Variants in HOMER1 observed in about 807,000 individuals in gnomAD.
HOMER1 encodes homer scaffold protein 1, also known as homer protein homolog 1.
HOMER1 carries 3 observed loss-of-function variants against 48.9 expected under a neutral mutation model. The observed-to-expected ratio is 0.06, with a 90% CI of 0.03 to 0.16. The LOEUF (loss-of-function observed/expected upper bound fraction) is 0.16, where lower values mean the gene tolerates loss of function less well. Among genes scored for constraint, HOMER1 ranks in the 10% least tolerant of loss-of-function variants. The pLI is 1.00. For synonymous variants in HOMER1, 134 were observed against 146.4 expected, an observed-to-expected ratio of 0.92 and a Z score of 0.61; for missense variants, 247 against 411.4, an observed-to-expected ratio of 0.60 and a Z score of 3.46.
intron 1 of HOMER1, among the ~76,000 whole-genome samples, chr5:79,496,891 C>A (rs139324480): frequency 6.0e-5 from 9 of 151,258 alleles, no homozygotes; most frequent in African/African-American, 2.2e-4. Flanking sequence ...ATGATGAAAC[C>A]CCATCTCTAC....
In HOMER1 at chr5:79,374,881, A is replaced by G. The variant is rs1164945863; in HGVS notation, c.*1128T>C. ...TAACAATTCAGAATATTGCCTTGTG[A>G]GGTTTGAATCAAGATGTGATTGATG... is the stretch of plus-strand genomic sequence containing the variant. On this transcript the variant is annotated 3_prime_UTR_variant, in exon 9 of 9. Transcript: ENST00000334082. The G allele has an allele frequency of 6.6e-6, 1 of 151,998 alleles. No individual in the cohort carries two copies. The highest frequency in any genetic ancestry group is 1.5e-5 in the Non-Finnish European group (1 of 67,908). The allele number at this position is 151,998 out of a possible 1,614,324, so 9.4% of individuals were successfully genotyped here.
intron 1 of HOMER1, among the ~76,000 whole-genome samples, chr5:79,472,135 T>C (rs928249657): frequency 8.5e-5 from 13 of 152,224 alleles, no homozygotes; most frequent in African/African-American, 3.1e-4. Flanking sequence ...ATCATTGCTG[T>C]ATCCTCAGCA....
At chr5:79,403,296 A>C (rs952865972) in intron 5 of HOMER1, among the ~76,000 whole-genome samples, 18 of 152,134 alleles carry the variant, frequency 1.2e-4, no homozygotes, top group African/African-American at 4.3e-4. Context: ...AATCATTTGT[A>C]TTCTAGGGTA....
At chr5:79,383,973 A>G (rs1749045341) in intron 8 of HOMER1, among the ~76,000 whole-genome samples, 1 of 152,136 alleles carries the variant, frequency 6.6e-6, no homozygotes, top group African/African-American at 2.4e-5. Context: ...GAAATACAAC[A>G]TACCAAAACC....
At chr5:79,408,444 A>G (rs938965009) in intron 5 of HOMER1, among the ~76,000 whole-genome samples, 3 of 152,208 alleles carry the variant, frequency 2.0e-5, no homozygotes, top group African/African-American at 7.2e-5. Flanking sequence ...AGAAATGTAG[A>G]TCTACACAGA....
chr5:79,497,954 G>A (rs1026124400), intron 1 of HOMER1, among the ~76,000 whole-genome samples: 26 of 152,146 alleles, frequency 1.7e-4, no homozygotes, highest in African/African-American at 5.6e-4. Context: ...CAAAAACTCT[G>A]GTGGTAAAGG....
At chr5:79,421,360 G>C (rs1223544213) in intron 5 of HOMER1, among the ~76,000 whole-genome samples, 2 of 152,310 alleles carry the variant, frequency 1.3e-5, no homozygotes, top group Middle Eastern at 3.4e-3. Flanking sequence ...TTAACTCTCA[G>C]TGGAACTGAA....
chr5:79,383,146 A>C (rs1580413050), intron 8 of HOMER1, among the ~76,000 whole-genome samples: 1 of 152,318 alleles, frequency 6.6e-6, no homozygotes, highest in Admixed American at 6.5e-5. Context: ...TCACTATATA[A>C]TGATAGAGAG....
At chr5:79,453,896 G>A (rs930327056) in intron 2 of HOMER1, among the ~76,000 whole-genome samples, 3 of 152,018 alleles carry the variant, frequency 2.0e-5, no homozygotes, top group Non-Finnish European at 2.9e-5. Context: ...AACCACTATT[G>A]CTGACTTAAA....
intron 5 of HOMER1, among the ~76,000 whole-genome samples, chr5:79,427,796 CTTCCTTTCCTTCCTTCCTTCT>C (rs552104499): frequency 0.026 from 3,724 of 144,936 alleles, 222 homozygotes; most frequent in African/African-American, 0.091. Context: ...TCCTTCCTTC[CTTCCTTTCCTTCCTTCCTTCT>C]TTTCCTTCCT....
intron 1 of HOMER1, among the ~76,000 whole-genome samples, chr5:79,490,042 C>T (rs1292083537): frequency 6.6e-6 from 1 of 152,178 alleles, no homozygotes; most frequent in Admixed American, 6.5e-5. Flanking sequence ...AAGGTGATGT[C>T]AATCACTGCA....
At chr5:79,485,679 C>G (rs1752079855) in intron 1 of HOMER1, among the ~76,000 whole-genome samples, 1 of 152,072 alleles carries the variant, frequency 6.6e-6, no homozygotes, top group Non-Finnish European at 1.5e-5. Flanking sequence ...AAATGAAGAG[C>G]TATGAGAAAG....
chr5:79,386,772 C>T (rs563069491), intron 8 of HOMER1, among the ~76,000 whole-genome samples: 14 of 152,076 alleles, frequency 9.2e-5, no homozygotes, highest in African/African-American at 3.1e-4. Flanking sequence ...GAAACAAAGG[C>T]AAAAACAAAG....
At chr5:79,510,520 C>T in intron 1 of HOMER1, 2 of 729,988 alleles carry the variant, frequency 2.7e-6, no homozygotes, top group East Asian at 2.6e-5. Context: ...CACAAAGATA[C>T]GAATCTCTTA....
intron 1 of HOMER1, among the ~76,000 whole-genome samples, chr5:79,466,748 G>A (rs960707214): frequency 6.0e-5 from 9 of 150,546 alleles, no homozygotes; most frequent in South Asian, 2.1e-4. Flanking sequence ...AACTCCTGGC[G>A]TTTTATTAAA....
At chr5:79,426,938 CATAAAA>C (rs914691286) in intron 5 of HOMER1, among the ~76,000 whole-genome samples, 1 of 151,782 alleles carries the variant, frequency 6.6e-6, no homozygotes, top group Admixed American at 6.6e-5. Context: ...ATAATGTATC[CATAAAA>C]ATAAAAATTA....
chr5:79,472,806 A>C (rs1751660256), intron 1 of HOMER1, among the ~76,000 whole-genome samples: 1 of 152,084 alleles, frequency 6.6e-6, no homozygotes, highest in Non-Finnish European at 1.5e-5. Context: ...ATTAAAAAAA[A>C]AATTACAGCC....
chr5:79,376,552 T>C (rs1033700569), intron 8 of HOMER1, among the ~76,000 whole-genome samples: 14 of 152,194 alleles, frequency 9.2e-5, no homozygotes, highest in African/African-American at 3.4e-4. Flanking sequence ...TTTCTCCTAA[T>C]GCATAATTAT....
chr5:79,428,167 T>G (rs1750322620), intron 5 of HOMER1, among the ~76,000 whole-genome samples: 1 of 152,188 alleles, frequency 6.6e-6, no homozygotes, highest in Non-Finnish European at 1.5e-5. Context: ...ATTGCTCTAT[T>G]TGTCAATGAA....
Sources: gnomAD v4.1 joint callset for allele counts (sites outside exome capture counted in the v4.1 genomes callset) on GRCh38, gnomAD v4.1.1 for gene constraint, MANE v1.5 for transcripts, NCBI Gene and HGNC (gene_info 2026-07-23, HGNC 2026-07-21) for gene names.